Variants in ABCA8 observed in about 807,000 individuals in gnomAD.
ABCA8 encodes the protein ATP binding cassette subfamily A member 8, also known as ABC-type organic anion transporter ABCA8.
In ABCA8, 177 loss-of-function variants were observed where a neutral mutation model predicts 192.3. The observed-to-expected ratio is 0.92, with a 90% CI of 0.81 to 1.04. The LOEUF is 1.04. Among genes scored for constraint, ABCA8 ranks in the 50% least tolerant of loss-of-function variants. The pLI, the probability that ABCA8 is intolerant of heterozygous loss-of-function variation, is 0.00. For synonymous variants in ABCA8, 642 were observed against 690.2 expected, an observed-to-expected ratio of 0.93 and a Z score of 1.09; for missense variants, 1,915 against 1,904.8, an observed-to-expected ratio of 1.01 and a Z score of -0.10.
At chr17:68,943,069 G>T (rs1483958595) in intron 2 of ABCA8, among the ~76,000 whole-genome samples, 2 of 151,976 alleles carry the variant, frequency 1.3e-5, no homozygotes, top group African/African-American at 4.8e-5. Flanking sequence ...AGAAATAATT[G>T]CTCTCTTTAC....
chr17:68,885,581 T>A (rs1411483020), intron 26 of ABCA8, among the ~76,000 whole-genome samples: 1 of 151,926 alleles, frequency 6.6e-6, no homozygotes, highest in Non-Finnish European at 1.5e-5. Context: ...GGAGTCTTGC[T>A]CTGTTGCCCA....
At chr17:68,908,611 G>C (rs73998575) in intron 17 of ABCA8, among the ~76,000 whole-genome samples, 3,553 of 152,276 alleles carry the variant, frequency 0.023, 55 homozygotes, top group African/African-American at 0.041. Context: ...TTCTTGTAAT[G>C]CTAAGCCCAG....
chr17:68,872,044 C>T (rs971553163), intron 37 of ABCA8, among the ~76,000 whole-genome samples: 4 of 152,122 alleles, frequency 2.6e-5, no homozygotes, highest in African/African-American at 7.2e-5. Context: ...GGATCTACAA[C>T]TGGAAATACC....
rs748212968 is a variant in ABCA8 at position 68,917,416 on chromosome 17, A to C, written c.2083T>G (p.Cys695Gly). The C allele has an allele frequency of 6.2e-7, 1 of 1,612,380 alleles. No homozygotes were observed. Among genetic ancestry groups the C allele is most frequent in the East Asian group, 2.2e-5 (1 of 44,836 alleles). ...KVFLSQGKLK[C>G]AGSSLFLKKK... Reference sequence around the variant, plus strand: ...TTTAGAAACAAAGAAGAGCCCGCGCACTTTAGCTTCCCTTGGGAGAGAAAT... The same window carrying C: ...TTTAGAAACAAAGAAGAGCCCGCGCCCTTTAGCTTCCCTTGGGAGAGAAAT... The change falls in exon 17 of 40, where the codon TGC becomes GGC. Residue 695 changes from cysteine (C) to glycine (G), a missense_variant. Coordinates refer to ENST00000586539, the MANE Select transcript of ABCA8 (RefSeq NM_001288985.2).
chr17:68,946,045 T>C (rs933130028), intron 2 of ABCA8, among the ~76,000 whole-genome samples: 7 of 146,790 alleles, frequency 4.8e-5, no homozygotes, highest in Admixed American at 4.8e-4. Context: ...GCTAGCTTTT[T>C]ACCAAAATTA....
Position 68,883,800 on chromosome 17 carries a change from G to A in ABCA8, c.3698C>T (p.Pro1233Leu). 1 of 1,576,188 alleles carries A rather than the reference G, an allele frequency of 6.3e-7. No individual in the cohort carries two copies. Among genetic ancestry groups the A allele is most frequent in the Non-Finnish European group, 8.6e-7 (1 of 1,162,860 alleles). Reference protein sequence around the residue: ...KFGKKSMRKDPFFRISPRSSD... With the variant: ...KFGKKSMRKDLFFRISPRSSD... Reference sequence around the variant, plus strand: ...ATGTGTTTTTTCCAACCTAAAGAAAGGATCCTTTCTCATTGATTTCTTTCC... The same window carrying A: ...ATGTGTTTTTTCCAACCTAAAGAAAAGATCCTTTCTCATTGATTTCTTTCC... Residue 1233 changes from proline (P) to leucine (L), a missense_variant, in exon 29 of 40, where the codon CCT becomes CTT. Coordinates refer to ENST00000586539, the MANE Select transcript of ABCA8 (RefSeq NM_001288985.2).
chr17:68,931,535 A>G (rs966057955), intron 7 of ABCA8, among the ~76,000 whole-genome samples: 1 of 152,118 alleles, frequency 6.6e-6, no homozygotes, highest in East Asian at 1.9e-4. Context: ...TTAAAAGATT[A>G]TCTTCCTCCT....
chr17:68,955,037 T>A (rs1407150086), intron 1 of ABCA8, among the ~76,000 whole-genome samples, 182 bp downstream of exon 1: 3 of 152,216 alleles, frequency 2.0e-5, no homozygotes, highest in Non-Finnish European at 4.4e-5. Flanking sequence ...AATTACCAGA[T>A]ATAAAATCTT....
At chr17:68,915,921 A>T (rs973858992) in intron 17 of ABCA8, among the ~76,000 whole-genome samples, 2 of 152,216 alleles carry the variant, frequency 1.3e-5, no homozygotes, top group Admixed American at 6.5e-5. Context: ...TGGTACATAC[A>T]CACAATGGAG....
intron 27 of ABCA8, chr17:68,884,681 C>A: frequency 9.0e-7 from 1 of 1,116,466 alleles, no homozygotes; most frequent in Non-Finnish European, 1.1e-6. Flanking sequence ...ATTCTTCTCA[C>A]ACAGAACTTC....
Position 68,906,179 on chromosome 17 carries a change from A to G in ABCA8, c.2279-16T>C. The G allele has an allele frequency of 6.7e-7, 1 of 1,481,754 alleles. No homozygotes were observed. The highest frequency in any genetic ancestry group is 9.0e-7 in the Non-Finnish European group (1 of 1,115,260). The allele number at this position is 1,481,754 out of a possible 1,614,324, so 91.8% of individuals were successfully genotyped here. ...TTGTAAAGTTCTAAAGAATACATATACAGCAGTGAATTAAAACAAGAATCA... is the reference window on the plus strand; with the variant it reads ...TTGTAAAGTTCTAAAGAATACATATGCAGCAGTGAATTAAAACAAGAATCA... On this transcript the variant is annotated splice_polypyrimidine_tract_variant and intron_variant, in intron 18 of 39. Transcript: ENST00000586539.
chr17:68,881,919 A>G lies in ABCA8; in HGVS notation c.3890T>C (p.Phe1297Ser), dbSNP rs370122232. 4.3e-6 allele frequency: 7 copies of G among 1,614,056 alleles called. No homozygotes were observed. Among genetic ancestry groups the G allele is most frequent in the Non-Finnish European group, 5.9e-6 (7 of 1,179,996 alleles). Residue 1297 changes from phenylalanine (F) to serine (S), a missense_variant, in exon 31 of 40, where the codon TTT becomes TCT. Physicochemically the swap from Phe to Ser is radical, Grantham distance 155. Transcript: ENST00000586539. ...GGCTATCTTATTCTTCCTCTTGGAA[A>G]AACAGCCTTTCCTCTTCCCTGCATA... is the stretch of plus-strand genomic sequence containing the variant. ...KEYAGKRKGCFSKRKNKIATR... is the reference protein window; with the variant it reads ...KEYAGKRKGCSSKRKNKIATR...
intron 22 of ABCA8, 82 bp downstream of exon 22, chr17:68,894,798 T>A (rs200795990): frequency 6.7e-5 from 96 of 1,435,854 alleles, no homozygotes; most frequent in Non-Finnish European, 8.6e-5. Flanking sequence ...TTCATTTTTA[T>A]TTCTTAAGTT....
At chr17:68,916,942 G>A (rs1471489966) in intron 17 of ABCA8, among the ~76,000 whole-genome samples, 2 of 152,098 alleles carry the variant, frequency 1.3e-5, no homozygotes, top group African/African-American at 2.4e-5. Context: ...ACACAAATAC[G>A]TGTACATGTT....
rs768645303 is a variant in ABCA8 at position 68,933,170 on chromosome 17, C to T, written c.568G>A (p.Glu190Lys). 6.2e-7 allele frequency: 1 copy of T among 1,606,862 alleles called. No individual in the cohort carries two copies. Among genetic ancestry groups the T allele is most frequent in the South Asian group, 1.1e-5 (1 of 90,748 alleles). The change falls in exon 6 of 40, where the codon GAA becomes AAA. Residue 190 changes from glutamate (E) to lysine (K), a missense_variant and splice_region_variant. Glu to Lys is a moderately conservative substitution (Grantham distance 56). Coordinates refer to ENST00000586539, the MANE Select transcript of ABCA8 (RefSeq NM_001288985.2). ...LQAAINAAII[E>K]ITTNHSVMEE... ...TGCTTTGAACATTTTGTACTCACTT[C>T]TATAATAGCAGCATTAATGGCAGCT...
At position 68,887,382 on chromosome 17, in the gene ABCA8, A is replaced by G. The variant is rs200161227; in HGVS notation, c.3269T>C (p.Ile1090Thr). The part of the protein sequence containing the change: ...VFVFIYLMSY[I>T]SNFEDMLLTI... Reference sequence around the variant, plus strand: ...AAGTAGCATGTCTTCGAAGTTTGAAATGTAGCTCATTAAATATATAAAAAC... The same window carrying G: ...AAGTAGCATGTCTTCGAAGTTTGAAGTGTAGCTCATTAAATATATAAAAAC... The change falls in exon 25 of 40, where the codon ATT (isoleucine) becomes ACT (threonine). Residue 1090 changes from isoleucine to threonine, a missense_variant. Physicochemically the swap from Ile to Thr is moderately conservative, Grantham distance 89. Coordinates refer to ENST00000586539, the MANE Select transcript of ABCA8 (RefSeq NM_001288985.2). 235 of 1,612,750 alleles carry G rather than the reference A, an allele frequency of 1.5e-4. No individual in the cohort carries two copies. The highest frequency in any genetic ancestry group is 1.6e-4 in the African/African-American group (12 of 74,992).
chr17:68,910,829 C>T (rs1048934281), intron 17 of ABCA8, among the ~76,000 whole-genome samples: 1 of 152,166 alleles, frequency 6.6e-6, no homozygotes, highest in Admixed American at 6.5e-5. Flanking sequence ...TTTAGACATA[C>T]CCTAGGCCAG....
At chr17:68,925,564 A>C (rs1317761876) in intron 10 of ABCA8, among the ~76,000 whole-genome samples, 1 of 152,336 alleles carries the variant, frequency 6.6e-6, no homozygotes, top group South Asian at 2.1e-4. Context: ...AAACGGAAGA[A>C]TCGTACTTCA....
At chr17:68,953,710 G>C (rs561894568) in intron 1 of ABCA8, among the ~76,000 whole-genome samples, 2 of 151,756 alleles carry the variant, frequency 1.3e-5, no homozygotes, top group Non-Finnish European at 2.9e-5. Context: ...GCTGTGCAAG[G>C]CTCTCCTTAC....
Sources: allele counts gnomAD v4.1 joint callset (sites outside exome capture counted in the v4.1 genomes callset), GRCh38; gene constraint gnomAD v4.1.1; transcripts MANE v1.5; gene names NCBI Gene and HGNC (gene_info 2026-07-23, HGNC 2026-07-21).